BTBD3: variants seen among roughly 807,000 people sequenced by gnomAD.
BTBD3 encodes the protein BTB domain containing 3.
Under a neutral mutation model 41.6 loss-of-function variants are expected in BTBD3, and 14 were observed. That is an observed-to-expected ratio of 0.34 (90% confidence interval 0.22 to 0.53). The LOEUF (loss-of-function observed/expected upper bound fraction) is 0.53, where lower values mean the gene tolerates loss of function less well. Ranked by LOEUF, BTBD3 falls within the 20% of genes least tolerant of loss-of-function variation. BTBD3 has a pLI of 0.95. For synonymous variants in BTBD3, 249 were observed against 233.7 expected (o/e 1.07, Z -0.60); for missense variants, 426 against 654.7 (o/e 0.65, Z 3.81).
At chr20:11,915,628 A>G (rs994745622), upstream of BTBD3, among the ~76,000 whole-genome samples, 3 of 152,172 alleles carry the variant, frequency 2.0e-5, no homozygotes, top group African/African-American at 7.2e-5. Context: ...AACCTGCATT[A>G]CTTGCCTTAT....
Position 11,919,144 on chromosome 20 carries a change from C to A in BTBD3, c.385C>A (p.Pro129Thr). The change falls in exon 2 of 4, where the codon CCA becomes ACA. Residue 129 changes from proline to threonine, a missense_variant. Pro to Thr is a conservative substitution (Grantham distance 38). Around this residue, in one of 3 missense-constraint regions of BTBD3, gnomAD observed 321 missense variants for 534.8 expected, o/e 0.60. Coordinates refer to ENST00000378226, the MANE Select transcript of BTBD3 (RefSeq NM_014962.4). Reference sequence around the variant, plus strand: ...AGATGTACATTTTGTGGTTGGGCCACCAGGTGGGACTCAACGGTTGCCAGG... The same window carrying A: ...AGATGTACATTTTGTGGTTGGGCCAACAGGTGGGACTCAACGGTTGCCAGG... ...MADVHFVVGP[P>T]GGTQRLPGHK... 6.2e-7 allele frequency: 1 copy of A among 1,613,696 alleles called. No individual in the cohort carries two copies. Among genetic ancestry groups the A allele is most frequent in the East Asian group, 2.2e-5 (1 of 44,846 alleles).
In BTBD3 at chr20:11,919,707, T is replaced by C. The variant is rs552923117; in HGVS notation, c.418-11T>C. 2 of 1,611,892 alleles carry C rather than the reference T, an allele frequency of 1.2e-6. No homozygotes were observed. Among genetic ancestry groups the C allele is most frequent in the South Asian group, 2.2e-5 (2 of 91,020 alleles). On this transcript the variant is annotated splice_polypyrimidine_tract_variant and intron_variant, in intron 2 of 3. Coordinates refer to ENST00000378226, the MANE Select transcript of BTBD3 (RefSeq NM_014962.4). ...TTTAGTGTATGAAATAAGATTTCCC[T>C]TTCTACACAGTATGTTTTAGCTGTT...
intron 1 of BTBD3, among the ~76,000 whole-genome samples, chr20:11,897,237 T>C (rs1452904515): frequency 6.6e-6 from 1 of 152,134 alleles, no homozygotes; most frequent in African/African-American, 2.4e-5. Context: ...GACTCCTAAA[T>C]GTATATTTCC....
At position 11,922,929 on chromosome 20, in the gene BTBD3, C is replaced by T. The variant is rs2056983671; in HGVS notation, c.832C>T (p.Leu278=). 6 of 1,614,250 alleles carry T rather than the reference C, an allele frequency of 3.7e-6. No individual in the cohort carries two copies. The highest frequency in any genetic ancestry group is 5.1e-6 in the Non-Finnish European group (6 of 1,180,048). ...TLESILRRET[L]NAKEIVVFEA... is the part of the protein sequence containing the mutation. Reference sequence around the variant, plus strand: ...AGAAAGTATTCTCCGTAGGGAAACTCTGAATGCCAAAGAAATTGTGGTTTT... The same window carrying T: ...AGAAAGTATTCTCCGTAGGGAAACTTTGAATGCCAAAGAAATTGTGGTTTT... The change falls in exon 4 of 4, where the codon CTG becomes TTG. Residue 278 remains leucine, a synonymous_variant. Transcript: ENST00000378226.
chr20:11,899,682 T>G (rs945608033), intron 1 of BTBD3, among the ~76,000 whole-genome samples: 2 of 152,202 alleles, frequency 1.3e-5, no homozygotes, highest in Admixed American at 6.5e-5. Flanking sequence ...AAAGTTTTGC[T>G]TATTGTGTTT....
upstream of BTBD3, among the ~76,000 whole-genome samples, chr20:11,914,001 A>C (rs79425320): frequency 0.013 from 1,917 of 152,328 alleles, 45 homozygotes; most frequent in African/African-American, 0.042. Context: ...AATACACTGC[A>C]TAGTCAGTAT....
intron 1 of BTBD3, among the ~76,000 whole-genome samples, chr20:11,901,324 T>C (rs1188969068): frequency 6.6e-6 from 1 of 152,146 alleles, no homozygotes; most frequent in Non-Finnish European, 1.5e-5. Flanking sequence ...CACCATCTTT[T>C]GTGGCCTTGG....
chr20:11,905,532 A>C (rs540475869), intron 1 of BTBD3, among the ~76,000 whole-genome samples: 12 of 152,332 alleles, frequency 7.9e-5, no homozygotes, highest in Admixed American at 7.2e-4. Context: ...AGGGGAATGC[A>C]CAATAGCTAT....
In BTBD3 at chr20:11,919,749, A is replaced by T. The variant is rs1431891524; in HGVS notation, c.449A>T (p.His150Leu). The change falls in exon 3 of 4, where the codon CAT becomes CTT. Residue 150 changes from histidine to leucine, a missense_variant. By Grantham distance (99) the His-to-Leu change is moderately conservative (BLOSUM62 -3). Transcript: ENST00000378226. ...TTAGCTGTTGGGAGCTCTGTGTTCC[A>T]TGCGATGTTTTACGGAGAACTTGCA... The part of the protein sequence containing the change: ...YVLAVGSSVF[H>L]AMFYGELAED... 1 of 1,614,208 alleles carries T rather than the reference A, an allele frequency of 6.2e-7. No individual in the cohort carries two copies. Among genetic ancestry groups the T allele is most frequent in the Admixed American group, 1.7e-5 (1 of 60,030 alleles).
Position 11,923,799 on chromosome 20 carries a change from T to C in BTBD3, c.*133T>C, listed in dbSNP as rs907800725. 1.1e-6 allele frequency: 1 copy of C among 906,392 alleles called. No homozygotes were observed. 56.1% of individuals were successfully genotyped at this position (906,392 alleles called of 1,614,324 possible). On this transcript the variant is annotated 3_prime_UTR_variant, in exon 4 of 4. Transcript: ENST00000378226. This position sits in a 1 kb window ranked among gnomAD's most constrained non-coding sequence, Gnocchi z 5.3. ...GAATGAAGCGGTAGGCAGGTTCTAA[T>C]TTCTTTTAACCTTTTAATTATGTAC... is the stretch of plus-strand genomic sequence containing the variant.
At chr20:11,922,470 ATTTAT>A (rs1263451350) in intron 3 of BTBD3, among the ~76,000 whole-genome samples, 159 bp from the exon 4 acceptor site, 3 of 152,188 alleles carry the variant, frequency 2.0e-5, no homozygotes, top group Non-Finnish European at 4.4e-5. Context: ...AATATTAATA[ATTTAT>A]TAATATGTTT....
chr20:11,904,569 TG>T (rs1176258324), intron 1 of BTBD3, among the ~76,000 whole-genome samples: 1 of 152,194 alleles, frequency 6.6e-6, no homozygotes, highest in African/African-American at 2.4e-5. Flanking sequence ...GTTTTGGTTT[TG>T]GGACCTTTTT....
At chr20:11,895,718 ACAGT>A (rs2056782827) in intron 1 of BTBD3, among the ~76,000 whole-genome samples, 2 of 152,204 alleles carry the variant, frequency 1.3e-5, no homozygotes, top group African/African-American at 4.8e-5. Context: ...CCAATGGTCT[ACAGT>A]GAGGAGGTGG....
chr20:11,918,303 A>G lies in BTBD3; in HGVS notation c.28A>G (p.Lys10Glu). 1.2e-6 allele frequency: 2 copies of G among 1,600,510 alleles called. No individual in the cohort carries two copies. Among genetic ancestry groups the G allele is most frequent in the Non-Finnish European group, 8.5e-7 (1 of 1,175,418 alleles). The stretch of plus-strand genomic sequence containing the variant: ...GGTAGATGACAAGGAAAAGAACATG[A>G]AATGTCTCACCTTCTTCTTGATGCT... MVDDKEKNM[K>E]CLTFFLMLPE... The change falls in exon 1 of 4, where the codon AAA (lysine) becomes GAA (glutamate). Residue 10 changes from lysine (K) to glutamate (E), a missense_variant. By Grantham distance (56) the Lys-to-Glu change is moderately conservative. Coordinates refer to ENST00000378226, the MANE Select transcript of BTBD3 (RefSeq NM_014962.4).
chr20:11,910,114 G>A (rs2056880246), intron 1 of BTBD3: 1 of 152,010 alleles, frequency 6.6e-6, no homozygotes, highest in African/African-American at 2.4e-5. Context: ...CTTGGAAAAG[G>A]TGTTTTTCCC....
intron 1 of BTBD3, among the ~76,000 whole-genome samples, chr20:11,898,111 G>A (rs761171456): frequency 3.0e-4 from 46 of 152,272 alleles, no homozygotes; most frequent in South Asian, 1.5e-3. Context: ...GCAGTGAGCC[G>A]AGATCGTGCC....
At chr20:11,898,712 G>C (rs2056805468) in intron 1 of BTBD3, among the ~76,000 whole-genome samples, 1 of 152,202 alleles carries the variant, frequency 6.6e-6, no homozygotes, top group Non-Finnish European at 1.5e-5. Flanking sequence ...CACATGCATA[G>C]TGTTTTAGCA....
At chr20:11,922,274 A>G (rs960315038) in intron 3 of BTBD3, among the ~76,000 whole-genome samples, 4 of 152,192 alleles carry the variant, frequency 2.6e-5, no homozygotes, top group African/African-American at 9.7e-5. Context: ...GGTTAAATAT[A>G]ATGTAGTATA....
intron 1 of BTBD3, among the ~76,000 whole-genome samples, chr20:11,904,374 A>T (rs1018295709): frequency 6.6e-6 from 1 of 152,192 alleles, no homozygotes; most frequent in South Asian, 2.1e-4. Flanking sequence ...TCAAGGTGGA[A>T]ATCCACCCCT....
Sources: gnomAD v4.1 joint callset for allele counts (sites outside exome capture counted in the v4.1 genomes callset) on GRCh38, gnomAD v4.1.1 for gene constraint, gnomAD v4.1.1 regional missense constraint, Gnocchi (gnomAD v3.1) non-coding constraint, MANE v1.5 for transcripts, NCBI Gene and HGNC (gene_info 2026-07-23, HGNC 2026-07-21) for gene names.